Variants in ERGIC1 observed in about 807,000 individuals in gnomAD.
The protein encoded by ERGIC1 is endoplasmic reticulum-Golgi intermediate compartment protein 1.
ERGIC1 carries 19 observed loss-of-function variants against 38.3 expected under a neutral mutation model. The observed-to-expected ratio is 0.50, with a 90% CI of 0.35 to 0.73. The LOEUF (loss-of-function observed/expected upper bound fraction) is 0.73. Among genes scored for constraint, ERGIC1 ranks in the 30% least tolerant of loss-of-function variants. ERGIC1 has a pLI of 0.01. For missense variants in ERGIC1, 294 were observed against 389.2 expected (o/e 0.76, Z 2.06); for synonymous variants, 124 against 157.6 (o/e 0.79, Z 1.60).
intron 1 of ERGIC1, among the ~76,000 whole-genome samples, chr5:172,877,458 A>ATATATTTTTT (rs58452182): frequency 1.2e-5 from 1 of 86,638 alleles, no homozygotes; most frequent in African/African-American, 4.3e-5. Context: ...ATATATATAT[A>ATATATTTTTT]TTTTTTTTTT....
intron 1 of ERGIC1, among the ~76,000 whole-genome samples, chr5:172,880,218 G>T (rs1762247592): frequency 6.6e-6 from 1 of 152,038 alleles, no homozygotes; most frequent in Non-Finnish European, 1.5e-5. Flanking sequence ...TGTATTTTTA[G>T]TAGAGACAGG....
chr5:172,848,861 G>T (rs941182271), intron 1 of ERGIC1, among the ~76,000 whole-genome samples: 4 of 152,164 alleles, frequency 2.6e-5, no homozygotes, highest in Non-Finnish European at 4.4e-5. Flanking sequence ...GCATCTGAAA[G>T]AATTTATTTT....
At chr5:172,920,799 C>A (rs1442620815) in intron 5 of ERGIC1, among the ~76,000 whole-genome samples, 2 of 152,236 alleles carry the variant, frequency 1.3e-5, no homozygotes, top group African/African-American at 4.8e-5. Flanking sequence ...TGCGGAAGGC[C>A]CTGTGTCACT....
chr5:172,928,200 G>A (rs1763698616), intron 7 of ERGIC1, among the ~76,000 whole-genome samples: 1 of 152,220 alleles, frequency 6.6e-6, no homozygotes, highest in African/African-American at 2.4e-5. Context: ...GGCCCAGAGT[G>A]TGCAAGCAGA....
intron 5 of ERGIC1, 179 bp downstream of exon 5, chr5:172,915,017 C>A: frequency 1.0e-6 from 1 of 987,746 alleles, no homozygotes. Flanking sequence ...GGGGTCCAGG[C>A]TCCCTGGGGT....
chr5:172,921,057 A>G (rs1561737113), intron 5 of ERGIC1, among the ~76,000 whole-genome samples: 2 of 152,208 alleles, frequency 1.3e-5, no homozygotes, highest in Non-Finnish European at 2.9e-5. Context: ...CTCCGATGAC[A>G]AACATGTTCA....
chr5:172,864,416 G>A (rs975332070), intron 1 of ERGIC1, among the ~76,000 whole-genome samples: 9 of 151,766 alleles, frequency 5.9e-5, no homozygotes, highest in East Asian at 2.0e-4. Flanking sequence ...TTACAGGCAC[G>A]TACCACCACA....
rs887953541 is a variant in ERGIC1 at position 172,914,740 on chromosome 5, A to G, written c.277A>G (p.Met93Val). 1 of 1,614,092 alleles carries G rather than the reference A, an allele frequency of 6.2e-7. No homozygotes were observed. Among genetic ancestry groups the G allele is most frequent in the Admixed American group, 1.7e-5 (1 of 60,012 alleles). The change falls in exon 5 of 10, where the codon ATG becomes GTG. Residue 93 changes from methionine to valine, a missense_variant. This residue lies in a region of ERGIC1 where 163 missense variants were observed against 225.8 expected (regional missense o/e 0.72). Coordinates refer to ENST00000393784, the MANE Select transcript of ERGIC1 (RefSeq NM_001031711.3). ...ELVGLDIQDE[M>V]GRHEVGHIDN... ...GGTTGGGCTTGACATTCAGGATGAG[A>G]TGGGCAGGCACGAAGTGGGCCACAT...
At chr5:172,892,485 A>G (rs991755368) in intron 2 of ERGIC1, among the ~76,000 whole-genome samples, 10 of 152,140 alleles carry the variant, frequency 6.6e-5, no homozygotes. Context: ...ACCTTGGACA[A>G]ATTCCTTGAC....
chr5:172,853,005 G>T (rs1581512268), intron 1 of ERGIC1, among the ~76,000 whole-genome samples: 1 of 152,244 alleles, frequency 6.6e-6, no homozygotes, highest in Non-Finnish European at 1.5e-5. Flanking sequence ...GGGCATGTGG[G>T]TTTGGCCAAG....
intron 3 of ERGIC1, among the ~76,000 whole-genome samples, chr5:172,903,850 T>TGGTAGCCTAGGCTTC (rs1762949066): frequency 6.6e-6 from 1 of 151,760 alleles, no homozygotes; most frequent in Non-Finnish European, 1.5e-5. Flanking sequence ...GCCTAGGCTT[T>TGGTAGCCTAGGCTTC]GAACCCTGGT....
chr5:172,947,916 A>G (rs1303918727), intron 9 of ERGIC1, among the ~76,000 whole-genome samples: 1 of 130,046 alleles, frequency 7.7e-6, no homozygotes, highest in East Asian at 2.8e-4. Context: ...GTGTGTGGTT[A>G]TTTTTTATTT....
chr5:172,882,223 A>G (rs1215684578), intron 1 of ERGIC1, among the ~76,000 whole-genome samples: 1 of 152,214 alleles, frequency 6.6e-6, no homozygotes, highest in African/African-American at 2.4e-5. Context: ...AGGAGCCAGA[A>G]GCTTTGCTAG....
In ERGIC1 at chr5:172,926,531, TC is replaced by T. The variant is rs1444730968; in HGVS notation, c.504del (p.Phe168LeufsTer22). The T allele has an allele frequency of 6.2e-7, 1 of 1,613,570 alleles. No individual in the cohort carries two copies. Among genetic ancestry groups the T allele is most frequent in the Admixed American group, 1.7e-5 (1 of 60,018 alleles). On this transcript the variant is annotated frameshift_variant, in exon 7 of 10. Transcript: ENST00000393784. LOFTEE classifies it high-confidence loss of function. The surrounding 1 kb of genome is among the most constrained non-coding windows in gnomAD (Gnocchi z 5.2). The stretch of plus-strand genomic sequence containing the variant: ...CAGGTCCAGAACATCCACGGAGCTT[TC>T]AATGCTCTCGGGGGAGCAGACAGAC... ...TLQVQNIHGA[F>X]NALGGADRLT... is the part of the protein sequence containing the mutation.
intron 1 of ERGIC1, among the ~76,000 whole-genome samples, chr5:172,865,169 C>T (rs371877125): frequency 1.3e-5 from 2 of 150,616 alleles, no homozygotes; most frequent in African/African-American, 4.9e-5. Flanking sequence ...ATTCTCTTGC[C>T]TCAGTTTCCC....
At chr5:172,913,736 G>C (rs914114961) in intron 4 of ERGIC1, among the ~76,000 whole-genome samples, 1 of 152,178 alleles carries the variant, frequency 6.6e-6, no homozygotes, top group African/African-American at 2.4e-5. Context: ...GTTGGCATTG[G>C]CCTGCCCATT....
chr5:172,894,905 G>T (rs490928), intron 2 of ERGIC1, among the ~76,000 whole-genome samples: 35,055 of 152,194 alleles, frequency 0.23, 4,236 homozygotes, highest in Middle Eastern at 0.34. Flanking sequence ...CAGATAGATG[G>T]CTATTTGCTT....
At chr5:172,908,644 G>A (rs1195263347) in intron 3 of ERGIC1, among the ~76,000 whole-genome samples, 1 of 152,110 alleles carries the variant, frequency 6.6e-6, no homozygotes, top group African/African-American at 2.4e-5. Context: ...ACTGGGAGAA[G>A]GGGCCACAAG....
At chr5:172,889,056 G>T (rs538909728) in intron 2 of ERGIC1, among the ~76,000 whole-genome samples, 1 of 152,178 alleles carries the variant, frequency 6.6e-6, no homozygotes, top group African/African-American at 2.4e-5. Flanking sequence ...AGGCCAAGGC[G>T]GGTGGATCAA....
Sources: gnomAD v4.1 joint callset for allele counts (sites outside exome capture counted in the v4.1 genomes callset) on GRCh38, gnomAD v4.1.1 for gene constraint, gnomAD v4.1.1 regional missense constraint, Gnocchi (gnomAD v3.1) non-coding constraint, MANE v1.5 for transcripts, NCBI Gene and HGNC (gene_info 2026-07-23, HGNC 2026-07-21) for gene names.